ZFHX2: variants seen among roughly 807,000 people sequenced by gnomAD.
The protein encoded by ZFHX2 is zinc finger homeobox protein 2.
In ZFHX2, 75 loss-of-function variants were observed where a neutral mutation model predicts 164.8. The ratio of observed to expected loss-of-function variants is 0.46; its 90% CI spans 0.38 to 0.55. The LOEUF is 0.55. ZFHX2 is among the 20% of genes least tolerant of loss of function. The pLI is 0.00. For missense variants in ZFHX2, 2,933 were observed against 3,308.0 expected (o/e 0.89, Z 2.78); for synonymous variants, 1,217 against 1,351.4 (o/e 0.90, Z 2.18).
In ZFHX2 at chr14:23,526,836, C is replaced by A; in HGVS notation, c.3262+11G>T. 6.6e-7 allele frequency: 1 copy of A among 1,525,660 alleles called. No homozygotes were observed. The highest frequency in any genetic ancestry group is 2.4e-5 in the East Asian group (1 of 40,840). The allele number at this position is 1,525,660 out of a possible 1,614,324, so 94.5% of individuals were successfully genotyped here. The stretch of plus-strand genomic sequence containing the variant: ...CTGGTACCTTGGGAGGTTTGCTGTT[C>A]CATTCCTTACCTGCTGCCTGGTCTC... On this transcript the variant is annotated intron_variant, in intron 8 of 9. Transcript: ENST00000419474.
intron 6 of ZFHX2, chr14:23,528,671 GCTCCCA>G: frequency 1.0e-6 from 1 of 985,404 alleles, no homozygotes; most frequent in Non-Finnish European, 1.2e-6. Flanking sequence ...AGGCTCAGCA[GCTCCCA>G]CCTTATTTTC....
chr14:23,539,602 G>A (rs936276641), intron 1 of ZFHX2, among the ~76,000 whole-genome samples: 1 of 152,186 alleles, frequency 6.6e-6, no homozygotes. Flanking sequence ...TGAAGTCTGA[G>A]AAAGGAGAGA....
Position 23,526,073 on chromosome 14 carries a change from C to T in ZFHX2, c.3869G>A (p.Arg1290His), listed in dbSNP as rs1878670132. ...KTDSKIEGPERSQEEPKEGET... is the reference protein window; with the variant it reads ...KTDSKIEGPEHSQEEPKEGET... ...GCCTTCCTTGGGCTCTTCTTGGCTGCGTTCTGGCCCTTCAATCTTGGAATC... is the reference window on the plus strand; with the variant it reads ...GCCTTCCTTGGGCTCTTCTTGGCTGTGTTCTGGCCCTTCAATCTTGGAATC... The change falls in exon 9 of 10, where the codon CGC (arginine) becomes CAC (histidine). Residue 1290 changes from arginine (R) to histidine (H), a missense_variant. Physicochemically the swap from Arg to His is conservative, Grantham distance 29. Coordinates refer to ENST00000419474, the MANE Select transcript of ZFHX2 (RefSeq NM_033400.3). 4.6e-6 allele frequency: 7 copies of T among 1,536,402 alleles called. No homozygotes were observed. The highest frequency in any genetic ancestry group is 2.4e-5 in the East Asian group (1 of 40,928).
intron 1 of ZFHX2, among the ~76,000 whole-genome samples, chr14:23,538,893 G>A (rs181704299): frequency 1.6e-4 from 24 of 152,198 alleles, no homozygotes; most frequent in African/African-American, 5.1e-4. Context: ...GTGAAGGGGC[G>A]CCACAGACGG....
chr14:23,538,976 C>T (rs1355289738), intron 1 of ZFHX2, among the ~76,000 whole-genome samples: 1 of 152,086 alleles, frequency 6.6e-6, no homozygotes, highest in Non-Finnish European at 1.5e-5. Context: ...AGGCTGCTGC[C>T]ACTGAGGGGG....
At chr14:23,551,974 T>C (rs1429777383), upstream of ZFHX2, among the ~76,000 whole-genome samples, 1 of 150,704 alleles carries the variant, frequency 6.6e-6, no homozygotes, top group African/African-American at 2.4e-5. This position sits in a 1 kb window ranked among gnomAD's most constrained non-coding sequence, Gnocchi z 5.3. Flanking sequence ...CTCTTTTCCG[T>C]CTCCTCTCCT....
chr14:23,542,047 C>T (rs191199645), intron 1 of ZFHX2: 4 of 152,072 alleles, frequency 2.6e-5, no homozygotes, highest in Non-Finnish European at 2.9e-5. Context: ...AAAGAAAGAT[C>T]GCTAAGGCAG....
chr14:23,536,095 C>G (rs1053310663), intron 1 of ZFHX2, among the ~76,000 whole-genome samples: 4 of 152,186 alleles, frequency 2.6e-5, no homozygotes, highest in African/African-American at 7.2e-5. Flanking sequence ...TCCTGGGGCC[C>G]GCTGAAATCC....
chr14:23,555,184 C>T (rs545401622), upstream of ZFHX2, among the ~76,000 whole-genome samples: 205 of 151,842 alleles, frequency 1.4e-3, 2 homozygotes, highest in African/African-American at 4.9e-3. Flanking sequence ...GACGGCGGGC[C>T]GGGGGGGTTT....
At chr14:23,539,402 G>T (rs899983729) in intron 1 of ZFHX2, among the ~76,000 whole-genome samples, 2 of 152,156 alleles carry the variant, frequency 1.3e-5, no homozygotes, top group African/African-American at 4.8e-5. Context: ...ATACACATTA[G>T]GACCCAGAAA....
At position 23,546,452 on chromosome 14, in the gene ZFHX2, C is replaced by T. The variant is rs1337027847; in HGVS notation, c.-50+4891G>A. On this transcript the variant is annotated intron_variant, in intron 1 of 9. Coordinates refer to ENST00000419474, the MANE Select transcript of ZFHX2 (RefSeq NM_033400.3). The surrounding 1 kb of genome is among the most constrained non-coding windows in gnomAD (Gnocchi z 4.7). ...CCATGCCAGTGGTACAGCTTGGTGA[C>T]AGGACTGTGGGTGGACCTCAGCCCT... Among the ~76,000 whole-genome samples, 1 of 152,146 alleles carries T rather than the reference C, an allele frequency of 6.6e-6. No individual in the cohort carries two copies. Among genetic ancestry groups the T allele is most frequent in the African/African-American group, 2.4e-5 (1 of 41,430 alleles).
rs943948344 is a variant in ZFHX2, at chr14:23,531,632, C to A, written c.2649G>T (p.Leu883Phe). The change falls in exon 4 of 10, where the codon TTG becomes TTT. Residue 883 changes from leucine to phenylalanine, a missense_variant. Transcript: ENST00000419474. ...LLCAWETPSR[L>F]AVLQHLRTPA... is the part of the protein sequence containing the mutation. ...GTGTGCGCAGGTGTTGCAGCACAGCCAAGCGGGAGGGTGTCTCCCACGCAC... is the reference window on the plus strand; with the variant it reads ...GTGTGCGCAGGTGTTGCAGCACAGCAAAGCGGGAGGGTGTCTCCCACGCAC... 5.3e-6 allele frequency: 8 copies of A among 1,521,584 alleles called. No homozygotes were observed. Among genetic ancestry groups the A allele is most frequent in the African/African-American group, 4.1e-5 (3 of 72,910 alleles). 94.3% of individuals were successfully genotyped at this position (1,521,584 alleles called of 1,614,324 possible). A position where few individuals can be genotyped will look rare whatever the true frequency, so the allele number is the denominator to read the frequency against.
Position 23,521,895 on chromosome 14 carries a change from C to G in ZFHX2, c.*67G>C. 4 of 1,521,694 alleles carry G rather than the reference C, an allele frequency of 2.6e-6. No individual in the cohort carries two copies. The highest frequency in any genetic ancestry group is 3.5e-6 in the Non-Finnish European group (4 of 1,140,336). 94.3% of individuals were successfully genotyped at this position (1,521,694 alleles called of 1,614,324 possible). Reference sequence around the variant, plus strand: ...TGGGGTGAGGGATTTGAGCTCCCACCGAACACCCCTTGGGGTAAAAGAGGG... The same window carrying G: ...TGGGGTGAGGGATTTGAGCTCCCACGGAACACCCCTTGGGGTAAAAGAGGG... On this transcript the variant is annotated 3_prime_UTR_variant, in exon 10 of 10. Coordinates refer to ENST00000419474, the MANE Select transcript of ZFHX2 (RefSeq NM_033400.3).
chr14:23,524,418 T>C lies in ZFHX2; in HGVS notation c.5524A>G (p.Thr1842Ala). 6.5e-7 allele frequency: 1 copy of C among 1,536,144 alleles called. No individual in the cohort carries two copies. Among genetic ancestry groups the C allele is most frequent in the Middle Eastern group, 1.7e-4 (1 of 5,990 alleles). Residue 1842 changes from threonine (T) to alanine (A), a missense_variant, in exon 9 of 10, where the codon ACA becomes GCA. Thr to Ala is a moderately conservative substitution (Grantham distance 58). Transcript: ENST00000419474. The surrounding 1 kb of genome is among the most constrained non-coding windows in gnomAD (Gnocchi z 5.6). ...CCTCCTCCCCCTGCTTCACTGCCTGTGGGAGACAAGCTGCCGTCCTCATGC... is the reference window on the plus strand; with the variant it reads ...CCTCCTCCCCCTGCTTCACTGCCTGCGGGAGACAAGCTGCCGTCCTCATGC... Reference protein sequence around the residue: ...RKHEDGSLSPTGSEAGGGGEG... With the variant: ...RKHEDGSLSPAGSEAGGGGEG...
chr14:23,522,203 C>G lies in ZFHX2; in HGVS notation c.7478G>C (p.Cys2493Ser). 1 of 1,482,370 alleles carries G rather than the reference C, an allele frequency of 6.7e-7. No homozygotes were observed. Among genetic ancestry groups the G allele is most frequent in the Non-Finnish European group, 8.9e-7 (1 of 1,119,216 alleles). The allele number at this position is 1,482,370 out of a possible 1,614,324, so 91.8% of individuals were successfully genotyped here. A position where few individuals can be genotyped will look rare whatever the true frequency, so the allele number is the denominator to read the frequency against. Residue 2493 changes from cysteine to serine, a missense_variant, in exon 10 of 10, where the codon TGC (cysteine) becomes TCC (serine). Transcript: ENST00000419474. ...SMPPPLRVPICTYHCLACEVL... is the reference protein window; with the variant it reads ...SMPPPLRVPISTYHCLACEVL... ...CTCACATGCCAGGCAGTGGTAGGTG[C>G]AGATGGGCACCCGCAATGGGGGTGG...
chr14:23,550,388 C>T (rs1881827462), intron 1 of ZFHX2, among the ~76,000 whole-genome samples: 1 of 152,214 alleles, frequency 6.6e-6, no homozygotes, highest in South Asian at 2.1e-4. Flanking sequence ...CAGACAGACT[C>T]TGAAGGAGAG....
intron 1 of ZFHX2, among the ~76,000 whole-genome samples, chr14:23,537,656 G>T (rs984930579): frequency 9.9e-5 from 15 of 152,176 alleles, no homozygotes; most frequent in African/African-American, 3.6e-4. Context: ...GAGGTCGGGG[G>T]AGTTGGAGAA....
intron 4 of ZFHX2, 109 bp downstream of exon 4, chr14:23,531,372 T>C: frequency 7.5e-7 from 1 of 1,327,300 alleles, no homozygotes; most frequent in Non-Finnish European, 9.7e-7. Flanking sequence ...ATAGGTGGCC[T>C]ACAGGCCCTC....
chr14:23,530,830 A>G, intron 4 of ZFHX2: 2 of 236,940 alleles, frequency 8.4e-6, no homozygotes, highest in Non-Finnish European at 1.6e-5. Context: ...CCTGCTGCCC[A>G]TGCCCTCGCC....
Sources: allele counts gnomAD v4.1 joint callset (sites outside exome capture counted in the v4.1 genomes callset), GRCh38; gene constraint gnomAD v4.1.1; non-coding constraint Gnocchi (gnomAD v3.1); transcripts MANE v1.5; gene names NCBI Gene and HGNC (gene_info 2026-07-23, HGNC 2026-07-21).